The following BMPR1A variants were observed in gnomAD, a reference collection of about 807,000 sequenced individuals.
BMPR1A encodes bone morphogenetic protein receptor type 1A.
BMPR1A carries 7 observed loss-of-function variants against 66.0 expected under a neutral mutation model. The ratio of observed to expected loss-of-function variants is 0.11; its 90% confidence interval spans 0.06 to 0.20. The LOEUF (loss-of-function observed/expected upper bound fraction) is 0.20. BMPR1A is among the 10% of genes least tolerant of loss of function. The pLI is 1.00. For synonymous variants in BMPR1A, 200 were observed against 229.7 expected (o/e 0.87, Z 1.17); for missense variants, 408 against 669.1 (o/e 0.61, Z 4.31).
chr10:86,829,863 T>C (rs1205382553), intron 1 of BMPR1A, among the ~76,000 whole-genome samples: 2 of 152,182 alleles, frequency 1.3e-5, no homozygotes, highest in Non-Finnish European at 2.9e-5. Flanking sequence ...GCTGTGAACA[T>C]TCATGTTCAG....
chr10:86,883,977 C>T (rs1232571221), intron 3 of BMPR1A, among the ~76,000 whole-genome samples: 1 of 150,868 alleles, frequency 6.6e-6, no homozygotes, highest in Non-Finnish European at 1.5e-5. Flanking sequence ...TGGGTTCAAG[C>T]GATTCTCCTG....
chr10:86,884,502 C>G (rs574200142), intron 3 of BMPR1A, among the ~76,000 whole-genome samples: 1 of 145,688 alleles, frequency 6.9e-6, no homozygotes, highest in South Asian at 2.2e-4. Context: ...CATCCTCCAC[C>G]TCCCTGGTTC....
chr10:86,795,690 G>A (rs1227178224), intron 1 of BMPR1A, among the ~76,000 whole-genome samples: 2 of 152,100 alleles, frequency 1.3e-5, no homozygotes, highest in African/African-American at 2.4e-5. Context: ...ACAGGGCCCC[G>A]AAGAGTACCA....
chr10:86,875,064 C>T (rs1437910763), intron 2 of BMPR1A, among the ~76,000 whole-genome samples: 1 of 151,668 alleles, frequency 6.6e-6, no homozygotes, highest in East Asian at 1.9e-4. Flanking sequence ...GATGAAGCAC[C>T]CTCTTTAATT....
chr10:86,756,141 G>C (rs926125594), upstream of BMPR1A: 2 of 152,232 alleles, frequency 1.3e-5, no homozygotes, highest in Non-Finnish European at 2.9e-5. Flanking sequence ...ACGCGAAAGA[G>C]CCCGCGAGAG....
chr10:86,916,645 G>A (rs1843573571), intron 8 of BMPR1A, among the ~76,000 whole-genome samples: 1 of 152,184 alleles, frequency 6.6e-6, no homozygotes, highest in Non-Finnish European at 1.5e-5. Context: ...CCAGCCACTT[G>A]AATAACCTGT....
Position 86,926,877 on chromosome 10 carries a change from T to C in BMPR1A, c.*3158T>C, listed in dbSNP as rs1843754638. ...TGTGAATTCTCTTTATGCTGGCAAA[T>C]AGCTCTAGGATTAAAGGCACATTAG... On this transcript the variant is annotated 3_prime_UTR_variant, in exon 13 of 13. Transcript: ENST00000372037. 2 of 193,590 alleles carry C rather than the reference T, an allele frequency of 1.0e-5. No homozygotes were observed. The highest frequency in any genetic ancestry group is 6.1e-5 in the Admixed American group (1 of 16,384). 12.0% of individuals were successfully genotyped at this position (193,590 alleles called of 1,614,324 possible). A position where few individuals can be genotyped will look rare whatever the true frequency, so the allele number is the denominator to read the frequency against.
intron 2 of BMPR1A, among the ~76,000 whole-genome samples, chr10:86,869,972 T>A (rs1842834445): frequency 1.3e-5 from 2 of 152,094 alleles, no homozygotes; most frequent in South Asian, 4.1e-4. Flanking sequence ...CTTAAGTAAT[T>A]CCCCAAAATC....
chr10:86,856,955 A>G (rs1810928046), intron 2 of BMPR1A, among the ~76,000 whole-genome samples: 1 of 152,218 alleles, frequency 6.6e-6, no homozygotes, highest in African/African-American at 2.4e-5. Context: ...CAAATGAGAT[A>G]CAGGGTACTG....
chr10:86,868,345 G>C lies in BMPR1A; in HGVS notation c.-152-7522G>C, dbSNP rs189131185. On this transcript the variant is annotated intron_variant, in intron 2 of 12. Transcript: ENST00000372037. ...TTTCTACACTGATGTAAATAACTGC[G>C]AGTGGTGTTGCTCCAGTTGTACAAG... is the stretch of plus-strand genomic sequence containing the variant. Among the ~76,000 whole-genome samples the C allele has an allele frequency of 1.2e-4, 19 of 152,346 alleles. No individual in the cohort carries two copies. The East Asian group carries it at 3.3e-3, about 26-fold the overall frequency.
intron 1 of BMPR1A, among the ~76,000 whole-genome samples, chr10:86,800,319 T>A (rs1841793230): frequency 6.6e-6 from 1 of 152,150 alleles, no homozygotes; most frequent in Admixed American, 6.5e-5. Flanking sequence ...TCTTTCTTCA[T>A]ATAGTGAGCC....
chr10:86,807,807 C>T (rs1841912580), intron 1 of BMPR1A, among the ~76,000 whole-genome samples: 5 of 151,372 alleles, frequency 3.3e-5, no homozygotes, highest in Admixed American at 3.3e-4. Context: ...CACTCTGTTG[C>T]CCAGGCTGGA....
At chr10:86,772,927 AT>A (rs747344791) in intron 1 of BMPR1A, among the ~76,000 whole-genome samples, 1 of 152,288 alleles carries the variant, frequency 6.6e-6, no homozygotes, top group East Asian at 1.9e-4. Flanking sequence ...ATCTATAAAC[AT>A]TTTGGTATAT....
chr10:86,790,553 C>A (rs531222578), intron 1 of BMPR1A, among the ~76,000 whole-genome samples: 40 of 152,074 alleles, frequency 2.6e-4, no homozygotes, highest in South Asian at 1.5e-3. Flanking sequence ...AAATGTCCAA[C>A]CGATAAATAG....
intron 1 of BMPR1A, among the ~76,000 whole-genome samples, chr10:86,819,017 G>A (rs2132990055): frequency 6.6e-6 from 1 of 152,302 alleles, no homozygotes; most frequent in Non-Finnish European, 1.5e-5. Context: ...TTTTGGGGAT[G>A]AAATGCGGTA....
intron 3 of BMPR1A, among the ~76,000 whole-genome samples, chr10:86,882,371 C>A (rs191144960): frequency 5.4e-4 from 82 of 151,394 alleles, no homozygotes; most frequent in African/African-American, 1.8e-3. Context: ...TGCAGTGAGC[C>A]GAGATTGGGC....
chr10:86,925,769 G>C lies in BMPR1A; in HGVS notation c.*2050G>C, dbSNP rs369249435. The C allele has an allele frequency of 7.3e-6, 1 of 137,280 alleles. No homozygotes were observed. Among genetic ancestry groups the C allele is most frequent in the African/African-American group, 3.2e-5 (1 of 31,196 alleles). 8.5% of individuals were successfully genotyped at this position (137,280 alleles called of 1,614,324 possible). ...GGAGTCTCGCTCTGTCGCCCAGGCT[G>C]GACTGCGGACTGCAGTGGCGCAATC... On this transcript the variant is annotated 3_prime_UTR_variant, in exon 13 of 13. Coordinates refer to ENST00000372037, the MANE Select transcript of BMPR1A (RefSeq NM_004329.3).
chr10:86,775,957 G>A (rs893281993), intron 1 of BMPR1A, among the ~76,000 whole-genome samples: 4 of 151,894 alleles, frequency 2.6e-5, no homozygotes, highest in Admixed American at 6.6e-5. Context: ...TCATTTCCCC[G>A]CAGCTCTGTC....
At chr10:86,916,254 T>C (rs1350982813) in intron 8 of BMPR1A, among the ~76,000 whole-genome samples, 1 of 152,230 alleles carries the variant, frequency 6.6e-6, no homozygotes, top group Non-Finnish European at 1.5e-5. Context: ...TTTTAAGATC[T>C]TTAACTGTTA....
Sources: allele counts gnomAD v4.1 joint callset (sites outside exome capture counted in the v4.1 genomes callset), GRCh38; gene constraint gnomAD v4.1.1; transcripts MANE v1.5; gene names NCBI Gene and HGNC (gene_info 2026-07-23, HGNC 2026-07-21).